Variants in NBEA observed in about 807,000 individuals in gnomAD.
NBEA encodes lysosomal-trafficking regulator 2.
A neutral mutation model predicts 343.4 loss-of-function variants in NBEA; 44 were observed. That is an observed-to-expected ratio of 0.13 (90% CI 0.10 to 0.16). The LOEUF (loss-of-function observed/expected upper bound fraction) is 0.16. Among genes scored for constraint, NBEA ranks in the 10% least tolerant of loss-of-function variants. The pLI, the probability that NBEA is intolerant of heterozygous loss-of-function variation, is 1.00. For synonymous variants in NBEA, 1,175 were observed against 1,238.7 expected, an observed-to-expected ratio of 0.95 and a Z score of 1.08; for missense variants, 2,555 against 3,631.3, an observed-to-expected ratio of 0.70 and a Z score of 7.62.
At chr13:35,184,476 C>G (rs2071546882) in intron 30 of NBEA, among the ~76,000 whole-genome samples, 1 of 151,626 alleles carries the variant, frequency 6.6e-6, no homozygotes, top group Admixed American at 6.6e-5. Flanking sequence ...AACAAAGCCC[C>G]AACACTGTAA....
At chr13:35,388,194 C>T (rs930983985) in intron 38 of NBEA, among the ~76,000 whole-genome samples, 2 of 151,888 alleles carry the variant, frequency 1.3e-5, no homozygotes, top group African/African-American at 4.8e-5. Flanking sequence ...AGAGAGATGG[C>T]CAAATCTTAT....
At chr13:34,977,409 A>G (rs560027777) in intron 1 of NBEA, among the ~76,000 whole-genome samples, 2 of 151,988 alleles carry the variant, frequency 1.3e-5, no homozygotes, top group African/African-American at 4.8e-5. Context: ...CCCGGATTCA[A>G]GCGATTCTTC....
In NBEA at chr13:34,942,946, G is replaced by C. The variant is rs778006014; in HGVS notation, c.126G>C (p.Met42Ile). The change falls in exon 1 of 59, where the codon ATG (methionine) becomes ATC (isoleucine). Residue 42 changes from methionine (M) to isoleucine (I), a missense_variant. This residue lies in a region of NBEA where 122 missense variants were observed against 91.0 expected (regional missense o/e 1.34). Transcript: ENST00000379939. Reference sequence around the variant, plus strand: ...GTGGCGGCACCGGGGGCAGCGGGATGGGGGAGCTAAGGGGGGCGTCCGGCT... The same window carrying C: ...GTGGCGGCACCGGGGGCAGCGGGATCGGGGAGCTAAGGGGGGCGTCCGGCT... ...SGGGGTGGSGMGELRGASGSG... is the reference protein window; with the variant it reads ...SGGGGTGGSGIGELRGASGSG... 6 of 1,589,328 alleles carry C rather than the reference G, an allele frequency of 3.8e-6. No homozygotes were observed. The highest frequency in any genetic ancestry group is 5.1e-6 in the Non-Finnish European group (6 of 1,168,402).
intron 38 of NBEA, among the ~76,000 whole-genome samples, chr13:35,358,499 T>G (rs1477758448): frequency 6.6e-6 from 1 of 151,686 alleles, no homozygotes; most frequent in Non-Finnish European, 1.5e-5. Flanking sequence ...GGCAGATTAC[T>G]TTGAGGTTAG....
chr13:35,234,511 A>C (rs1410178996), intron 34 of NBEA, among the ~76,000 whole-genome samples: 3 of 152,178 alleles, frequency 2.0e-5, no homozygotes, highest in Non-Finnish European at 4.4e-5. Context: ...AAAAACCAAT[A>C]ATTAAAATTA....
chr13:35,480,004 A>G (rs771110695), intron 41 of NBEA, among the ~76,000 whole-genome samples: 1 of 151,406 alleles, frequency 6.6e-6, no homozygotes, highest in Non-Finnish European at 1.5e-5. Flanking sequence ...ACTGACTTTT[A>G]CATTGCATTT....
At chr13:35,589,171 T>G (rs1354022640) in intron 46 of NBEA, among the ~76,000 whole-genome samples, 2 of 152,132 alleles carry the variant, frequency 1.3e-5, no homozygotes, top group African/African-American at 4.8e-5. Context: ...ATAGGTTAAT[T>G]AGTGAAAACT....
At chr13:35,037,896 A>G (rs74678801) in intron 1 of NBEA, among the ~76,000 whole-genome samples, 16,476 of 152,250 alleles carry the variant, frequency 0.11, 1,084 homozygotes, top group African/African-American at 0.17. Flanking sequence ...TTAGCAAGTA[A>G]CAAAGCCAGC....
chr13:35,520,125 A>T (rs529023256), intron 41 of NBEA, among the ~76,000 whole-genome samples: 1 of 152,152 alleles, frequency 6.6e-6, no homozygotes, highest in South Asian at 2.1e-4. Context: ...TCCAACCTAG[A>T]TCCCTCACAT....
intron 45 of NBEA, among the ~76,000 whole-genome samples, chr13:35,569,516 G>A (rs2080293683): frequency 6.6e-6 from 1 of 152,136 alleles, no homozygotes; most frequent in African/African-American, 2.4e-5. Flanking sequence ...TGTGTTTAAA[G>A]GAAACTTATA....
In NBEA at chr13:35,309,539, C is replaced by T. The variant is rs760391451; in HGVS notation, c.5850C>T (p.Asn1950=). ...GTTTCTCCTTTTAGGAATGGCAAAA[C>T]TCTATTCAGAAGAATGCAGGACTTG... ...VMLLCSQEWQ[N]SIQKNAGLAF... is the part of the protein sequence containing the mutation. The change falls in exon 36 of 59, where the codon AAC becomes AAT. Residue 1950 remains asparagine, a synonymous_variant. Transcript: ENST00000379939. The T allele has an allele frequency of 1.1e-5, 17 of 1,588,716 alleles. 1 individual carries two copies. In the South Asian group the frequency reaches 1.5e-4, roughly 14 times the overall value.
At chr13:35,121,336 C>T (rs145250240) in intron 16 of NBEA, among the ~76,000 whole-genome samples, 10 of 152,060 alleles carry the variant, frequency 6.6e-5, no homozygotes, top group South Asian at 4.2e-4. Flanking sequence ...TGAACTTCTG[C>T]GCTCAGGCAG....
At chr13:35,597,378 T>G (rs1430885334) in intron 47 of NBEA, among the ~76,000 whole-genome samples, 2 of 152,178 alleles carry the variant, frequency 1.3e-5, no homozygotes, top group Admixed American at 1.3e-4. Flanking sequence ...TTTAAACTAC[T>G]TAGACTTTTT....
chr13:35,612,014 C>G (rs1045278026), intron 48 of NBEA, among the ~76,000 whole-genome samples: 4 of 151,866 alleles, frequency 2.6e-5, no homozygotes, highest in African/African-American at 9.7e-5. Flanking sequence ...CCTTGCATTC[C>G]CCAGCAATGT....
At chr13:35,459,013 C>T (rs553261847) in intron 40 of NBEA, among the ~76,000 whole-genome samples, 10 of 117,874 alleles carry the variant, frequency 8.5e-5, no homozygotes, top group African/African-American at 3.3e-4. Flanking sequence ...CCGCCCCCCC[C>T]CCCCCACACA....
At chr13:35,659,337 A>G (rs1445731366) in intron 55 of NBEA, among the ~76,000 whole-genome samples, 1 of 152,216 alleles carries the variant, frequency 6.6e-6, no homozygotes, top group African/African-American at 2.4e-5. Context: ...AGGATTTATC[A>G]TTTAACCTTT....
chr13:34,981,594 G>A (rs1277687348), intron 1 of NBEA, among the ~76,000 whole-genome samples: 1 of 152,074 alleles, frequency 6.6e-6, no homozygotes, highest in African/African-American at 2.4e-5. Flanking sequence ...AACAATTTAA[G>A]GATTTGTGTG....
intron 17 of NBEA, among the ~76,000 whole-genome samples, chr13:35,126,925 A>G (rs2067166055): frequency 1.3e-5 from 2 of 151,968 alleles, no homozygotes; most frequent in Admixed American, 6.5e-5. Flanking sequence ...ATCTCAAAAA[A>G]AAAAAAAAAA....
intron 40 of NBEA, 68 bp downstream of exon 40, chr13:35,452,303 T>G: frequency 8.3e-7 from 1 of 1,203,040 alleles, no homozygotes; most frequent in East Asian, 2.5e-5. Context: ...TCAAAATCTG[T>G]CTCCTAGTAA....
Sources: allele counts gnomAD v4.1 joint callset (sites outside exome capture counted in the v4.1 genomes callset), GRCh38; gene constraint gnomAD v4.1.1; regional missense constraint gnomAD v4.1.1; transcripts MANE v1.5; gene names NCBI Gene and HGNC (gene_info 2026-07-23, HGNC 2026-07-21).